Variants in CCNY observed in about 807,000 individuals in gnomAD.
CCNY encodes cyclin Y.
Under a neutral mutation model 42.8 loss-of-function variants are expected in CCNY, and 19 were observed. The observed-to-expected ratio is 0.44, with a 90% CI of 0.31 to 0.65. The LOEUF is 0.65. CCNY is among the 30% of genes least tolerant of loss of function. The probability of loss-of-function intolerance (pLI) is 0.07; values close to 1 mark genes in which losing one functional copy is unlikely to be tolerated. For synonymous variants in CCNY, 165 were observed against 162.7 expected (o/e 1.01, Z -0.11); for missense variants, 370 against 437.3 (o/e 0.85, Z 1.37).
chr10:35,503,225 CA>C (rs1171825304), intron 3 of CCNY, among the ~76,000 whole-genome samples: 1 of 152,190 alleles, frequency 6.6e-6, no homozygotes, highest in African/African-American at 2.4e-5. Context: ...TTCTCATGCA[CA>C]GTATCTTCTA....
chr10:35,495,325 T>A (rs952986047), intron 2 of CCNY, among the ~76,000 whole-genome samples: 1 of 152,254 alleles, frequency 6.6e-6, no homozygotes, highest in Non-Finnish European at 1.5e-5. Context: ...AGCTGAAGTT[T>A]CTGTGCTTCT....
intron 3 of CCNY, among the ~76,000 whole-genome samples, chr10:35,331,385 G>A (rs987678768): frequency 1.3e-5 from 2 of 152,226 alleles, no homozygotes; most frequent in Admixed American, 1.3e-4. Context: ...ACAAGACAGA[G>A]CCTGGGCTTC....
intron 1 of CCNY, among the ~76,000 whole-genome samples, chr10:35,390,213 A>C (rs1203770396): frequency 2.0e-5 from 3 of 152,182 alleles, no homozygotes; most frequent in Non-Finnish European, 4.4e-5. Context: ...ATTAGTTTTG[A>C]CCTTGTCTAA....
At chr10:35,433,416 G>A (rs1784272994) in intron 1 of CCNY, among the ~76,000 whole-genome samples, 1 of 151,954 alleles carries the variant, frequency 6.6e-6, no homozygotes, top group African/African-American at 2.4e-5. Flanking sequence ...AGTACCATAA[G>A]AAGATTTCAG....
intron 4 of CCNY, among the ~76,000 whole-genome samples, chr10:35,525,078 A>G (rs1327851365): frequency 6.6e-6 from 1 of 152,226 alleles, no homozygotes; most frequent in Non-Finnish European, 1.5e-5. Flanking sequence ...AAACAACCTA[A>G]ATGTTCATTA....
At chr10:35,250,940 T>A (rs1250706528) in intron 3 of CCNY, 2 of 152,232 alleles carry the variant, frequency 1.3e-5, no homozygotes. Context: ...TTAAGGTGAA[T>A]GTCATCTCAA....
intron 1 of CCNY, among the ~76,000 whole-genome samples, chr10:35,405,719 C>T (rs1251211626): frequency 2.0e-5 from 3 of 152,188 alleles, no homozygotes; most frequent in Admixed American, 6.5e-5. Context: ...AAGAGTTACC[C>T]GAAGCTTGGC....
At chr10:35,401,686 G>A (rs890904286) in intron 1 of CCNY, among the ~76,000 whole-genome samples, 3 of 151,994 alleles carry the variant, frequency 2.0e-5, no homozygotes, top group African/African-American at 4.8e-5. Context: ...GGGTGCAGGC[G>A]GGCTGAGTCA....
intron 3 of CCNY, among the ~76,000 whole-genome samples, chr10:35,514,522 A>G (rs1187288941): frequency 6.6e-6 from 1 of 152,014 alleles, no homozygotes; most frequent in Non-Finnish European, 1.5e-5. Flanking sequence ...CTCCCTGTCA[A>G]CTCACAAAGG....
intron 3 of CCNY, among the ~76,000 whole-genome samples, chr10:35,315,860 T>C (rs560961787): frequency 3.3e-5 from 5 of 152,344 alleles, no homozygotes; most frequent in African/African-American, 1.2e-4. Context: ...CATAATGTCA[T>C]GCAACCACCA....
chr10:35,296,537 C>T (rs1049903028), intron 3 of CCNY, among the ~76,000 whole-genome samples: 5 of 151,990 alleles, frequency 3.3e-5, no homozygotes, highest in East Asian at 1.9e-4. Context: ...GCCAAGATCA[C>T]GTCACAGCAC....
At chr10:35,379,916 C>T (rs1304996203) in intron 1 of CCNY, among the ~76,000 whole-genome samples, 3 of 152,192 alleles carry the variant, frequency 2.0e-5, no homozygotes, top group African/African-American at 7.2e-5. Context: ...AGAAACATAG[C>T]TGTCATCTCC....
chr10:35,508,294 C>T (rs1327825372), intron 3 of CCNY, among the ~76,000 whole-genome samples: 1 of 152,190 alleles, frequency 6.6e-6, no homozygotes, highest in Non-Finnish European at 1.5e-5. Flanking sequence ...TTCTGCTTTT[C>T]TAATGATACC....
chr10:35,272,830 T>C, intron 3 of CCNY, among the ~76,000 whole-genome samples: 1 of 152,184 alleles, frequency 6.6e-6, no homozygotes, highest in East Asian at 1.9e-4. Context: ...TTTTTAGGTC[T>C]TTGAGGAATC....
chr10:35,524,076 C>G (rs1840601796), intron 4 of CCNY, among the ~76,000 whole-genome samples: 1 of 152,186 alleles, frequency 6.6e-6, no homozygotes, highest in Non-Finnish European at 1.5e-5. Context: ...TCCTCCCTTT[C>G]CCAGAGGCTA....
intron 3 of CCNY, among the ~76,000 whole-genome samples, chr10:35,282,438 TCTGAAC>T (rs1457946092): frequency 6.6e-6 from 1 of 151,796 alleles, no homozygotes; most frequent in African/African-American, 2.4e-5. Flanking sequence ...ATTTTAAAAA[TCTGAAC>T]AGGCCAGGCA....
chr10:35,357,595 A>G (rs1053198924), intron 1 of CCNY, among the ~76,000 whole-genome samples: 1 of 152,240 alleles, frequency 6.6e-6, no homozygotes, highest in African/African-American at 2.4e-5. Context: ...GCCTCGTGTC[A>G]GAAGGCACGT....
intron 1 of CCNY, among the ~76,000 whole-genome samples, chr10:35,365,953 TCTC>T (rs1318920903): frequency 6.6e-6 from 1 of 152,234 alleles, no homozygotes; most frequent in Non-Finnish European, 1.5e-5. Context: ...GGACAGAGAT[TCTC>T]TTCTATTTGG....
intron 4 of CCNY, among the ~76,000 whole-genome samples, chr10:35,519,903 G>T (rs1840513298): frequency 1.4e-5 from 2 of 145,606 alleles, no homozygotes; most frequent in African/African-American, 5.1e-5. Context: ...TTAGCCTTCC[G>T]AGTAGCTGGG....
Sources: allele counts gnomAD v4.1 joint callset (sites outside exome capture counted in the v4.1 genomes callset), GRCh38; gene constraint gnomAD v4.1.1; transcripts MANE v1.5; gene names NCBI Gene and HGNC (gene_info 2026-07-23, HGNC 2026-07-21).